The following AP3B1 variants were observed in gnomAD, a reference collection of about 807,000 sequenced individuals.
AP3B1 encodes AP-3 complex subunit beta-1.
AP3B1 carries 61 observed loss-of-function variants against 132.5 expected under a neutral mutation model. The ratio of observed to expected loss-of-function variants is 0.46; its 90% CI spans 0.37 to 0.57. AP3B1 has a LOEUF of 0.57. AP3B1 is among the 20% of genes least tolerant of loss of function. The pLI, the probability that AP3B1 is intolerant of heterozygous loss-of-function variation, is 0.00. For synonymous variants in AP3B1, 388 were observed against 438.3 expected (o/e 0.89, Z 1.43); for missense variants, 1,120 against 1,289.4 (o/e 0.87, Z 2.01).
intron 1 of AP3B1, among the ~76,000 whole-genome samples, 190 bp from the exon 2 acceptor site, chr5:78,267,785 G>A (rs1419638951): frequency 1.3e-5 from 2 of 152,160 alleles, no homozygotes; most frequent in African/African-American, 2.4e-5. Flanking sequence ...CCTTGATCTT[G>A]TACTCCCAGG....
chr5:78,257,589 T>G (rs767651177), intron 2 of AP3B1, among the ~76,000 whole-genome samples: 30 of 152,188 alleles, frequency 2.0e-4, no homozygotes, highest in Admixed American at 7.2e-4. Context: ...AAAATGTCCC[T>G]ACTACCCAAA....
At chr5:78,286,351 G>T (rs966852383) in intron 1 of AP3B1, among the ~76,000 whole-genome samples, 4 of 152,160 alleles carry the variant, frequency 2.6e-5, no homozygotes, top group Non-Finnish European at 5.9e-5. Flanking sequence ...GGGCCTTTAA[G>T]ATTTAGTCAT....
At chr5:78,165,137 C>A (rs1743555152) in intron 12 of AP3B1, among the ~76,000 whole-genome samples, 1 of 151,768 alleles carries the variant, frequency 6.6e-6, no homozygotes, top group South Asian at 2.1e-4. Context: ...CTAAACAAAT[C>A]AAAATAAAAA....
intron 21 of AP3B1, among the ~76,000 whole-genome samples, chr5:78,096,821 C>T (rs1268151382): frequency 4.0e-5 from 6 of 151,528 alleles, no homozygotes; most frequent in Non-Finnish European, 5.9e-5. Context: ...CCGGCAGCCG[C>T]CCCGTCCGGG....
At chr5:78,202,814 A>T (rs1009327711) in intron 7 of AP3B1, among the ~76,000 whole-genome samples, 1 of 152,186 alleles carries the variant, frequency 6.6e-6, no homozygotes, top group African/African-American at 2.4e-5. Context: ...TTTTATGTCA[A>T]CAAAAGGAAA....
At chr5:78,285,278 C>A (rs962217932) in intron 1 of AP3B1, among the ~76,000 whole-genome samples, 1 of 151,210 alleles carries the variant, frequency 6.6e-6, no homozygotes, top group African/African-American at 2.4e-5. Context: ...AACCACAATT[C>A]TTCTTCTTCC....
At chr5:78,033,815 G>A (rs961431372) in intron 24 of AP3B1, among the ~76,000 whole-genome samples, 4 of 151,806 alleles carry the variant, frequency 2.6e-5, no homozygotes, top group African/African-American at 9.7e-5. Context: ...ATTCAGCTAT[G>A]AAACCTTTGC....
intron 1 of AP3B1, among the ~76,000 whole-genome samples, chr5:78,280,263 A>C (rs1368631418): frequency 2.0e-5 from 3 of 152,126 alleles, no homozygotes; most frequent in Non-Finnish European, 4.4e-5. Flanking sequence ...ACTGATTCTA[A>C]TTATTCTCAA....
At chr5:78,162,481 T>C (rs1743426183) in intron 13 of AP3B1, among the ~76,000 whole-genome samples, 1 of 152,170 alleles carries the variant, frequency 6.6e-6, no homozygotes, top group Non-Finnish European at 1.5e-5. Context: ...GGTGAACCAA[T>C]ATTATGCATG....
intron 3 of AP3B1, among the ~76,000 whole-genome samples, chr5:78,228,734 A>G (rs1240032108): frequency 6.6e-6 from 1 of 152,128 alleles, no homozygotes; most frequent in Non-Finnish European, 1.5e-5. Flanking sequence ...GCCACTAACT[A>G]TATGTTATGG....
At chr5:78,034,906 T>C (rs1395465582) in intron 23 of AP3B1, among the ~76,000 whole-genome samples, 1 of 152,026 alleles carries the variant, frequency 6.6e-6, no homozygotes, top group East Asian at 1.9e-4. Flanking sequence ...AAAAAAATCC[T>C]AAATTAAAAA....
At position 78,165,686 on chromosome 5, in the gene AP3B1, A is replaced by C; in HGVS notation, c.1168-14T>G. 1 of 1,550,618 alleles carries C rather than the reference A, an allele frequency of 6.4e-7. No individual in the cohort carries two copies. Among genetic ancestry groups the C allele is most frequent in the Non-Finnish European group, 8.9e-7 (1 of 1,125,186 alleles). ...CAAAATTTCAAGCTATAGTAGAGAA[A>C]AGAGAAAGTAAACATTTTAAAACAA... On this transcript the variant is annotated splice_polypyrimidine_tract_variant and intron_variant, in intron 11 of 26. Coordinates refer to ENST00000255194, the MANE Select transcript of AP3B1 (RefSeq NM_003664.5).
At chr5:78,239,689 G>A (rs1457075334) in intron 3 of AP3B1, among the ~76,000 whole-genome samples, 1 of 150,458 alleles carries the variant, frequency 6.6e-6, no homozygotes, top group Non-Finnish European at 1.5e-5. Context: ...TGAGGCGGGA[G>A]GATCGCTTGA....
chr5:78,270,057 A>T (rs1426443321), intron 1 of AP3B1, among the ~76,000 whole-genome samples: 1 of 151,800 alleles, frequency 6.6e-6, no homozygotes, highest in Non-Finnish European at 1.5e-5. Flanking sequence ...GGATTACAGG[A>T]GTGCATCACC....
In AP3B1 at chr5:78,097,640, GT is replaced by G. The variant is rs1750923230; in HGVS notation, c.2470+3312del. 2.2e-5 allele frequency among the ~76,000 whole-genome samples: 3 copies of G among 139,246 alleles called. No homozygotes were observed. In the South Asian group the frequency reaches 6.8e-4, roughly 32 times the overall value. 91.4% of individuals were successfully genotyped at this position (139,246 alleles called of 152,430 possible). A position where few individuals can be genotyped will look rare whatever the true frequency, so the allele number is the denominator to read the frequency against. ...AGCCCCCTGCCCGGCCAGCCGCCCC[GT>G]CCGGGAGGGAGGTGGGGGGGTCAGC... On this transcript the variant is annotated intron_variant, in intron 21 of 26. Transcript: ENST00000255194.
chr5:78,289,919 T>A (rs898671587), intron 1 of AP3B1, among the ~76,000 whole-genome samples: 2 of 152,208 alleles, frequency 1.3e-5, no homozygotes, highest in South Asian at 2.1e-4. Context: ...TTTGCAAATC[T>A]TCTGGTTTCT....
At chr5:78,156,797 T>C (rs924025038) in intron 13 of AP3B1, among the ~76,000 whole-genome samples, 1 of 150,200 alleles carries the variant, frequency 6.7e-6, no homozygotes, top group Non-Finnish European at 1.5e-5. Flanking sequence ...AACAGCAAAC[T>C]AAAAAAAAAA....
At chr5:78,053,439 TGGGAGAC>T (rs1285697524) in intron 22 of AP3B1, among the ~76,000 whole-genome samples, 8 of 152,110 alleles carry the variant, frequency 5.3e-5, no homozygotes, top group Non-Finnish European at 1.2e-4. Flanking sequence ...CTCAGCACTT[TGGGAGAC>T]CGAGGCCGGT....
chr5:78,094,717 G>C (rs907007766), intron 21 of AP3B1, among the ~76,000 whole-genome samples: 3 of 151,718 alleles, frequency 2.0e-5, no homozygotes, highest in Non-Finnish European at 4.4e-5. Context: ...ATATCACTCT[G>C]TCACCCAGGC....
Sources: allele counts gnomAD v4.1 joint callset (sites outside exome capture counted in the v4.1 genomes callset), GRCh38; gene constraint gnomAD v4.1.1; transcripts MANE v1.5; gene names NCBI Gene and HGNC (gene_info 2026-07-23, HGNC 2026-07-21).